Variants in RUNDC3B observed in about 807,000 individuals in gnomAD.
RUNDC3B encodes the protein RUN domain containing 3B, also known as RUN domain-containing protein 3B.
A neutral mutation model predicts 58.4 loss-of-function variants in RUNDC3B; 33 were observed. The observed-to-expected ratio is 0.56, with a 90% confidence interval of 0.43 to 0.75. The LOEUF is 0.75. Among genes scored for constraint, RUNDC3B ranks in the 30% least tolerant of loss-of-function variants. RUNDC3B has a pLI of 0.00. For synonymous variants in RUNDC3B, 193 were observed against 195.2 expected, an observed-to-expected ratio of 0.99 and a Z score of 0.10; for missense variants, 501 against 535.7, an observed-to-expected ratio of 0.94 and a Z score of 0.64.
chr7:87,716,082 TTAA>T (rs1209878432), intron 4 of RUNDC3B, among the ~76,000 whole-genome samples: 2 of 152,168 alleles, frequency 1.3e-5, no homozygotes, highest in Non-Finnish European at 2.9e-5. Context: ...GATTAATTAA[TTAA>T]TTTTTAAAAA....
At chr7:87,651,211 C>T (rs1236181869) in intron 2 of RUNDC3B, among the ~76,000 whole-genome samples, 4 of 151,994 alleles carry the variant, frequency 2.6e-5, no homozygotes, top group Non-Finnish European at 4.4e-5. Context: ...TGAAAGGAAG[C>T]GCATCCCAAA....
intron 8 of RUNDC3B, among the ~76,000 whole-genome samples, chr7:87,795,053 C>T (rs1287437985): frequency 1.3e-5 from 2 of 152,136 alleles, no homozygotes; most frequent in Admixed American, 6.6e-5. Context: ...CTTTCTAGGA[C>T]ATTGGTCTGG....
intron 2 of RUNDC3B, among the ~76,000 whole-genome samples, chr7:87,658,868 C>T (rs969437820): frequency 6.6e-6 from 1 of 152,166 alleles, no homozygotes. Context: ...AAAGAACATT[C>T]GTTAAGCAGA....
intron 2 of RUNDC3B, among the ~76,000 whole-genome samples, chr7:87,694,495 A>G (rs899719781): frequency 6.6e-6 from 1 of 152,188 alleles, no homozygotes; most frequent in Non-Finnish European, 1.5e-5. Context: ...CAATATAGTC[A>G]TTATTTTTAA....
chr7:87,671,333 C>T (rs930076099), intron 2 of RUNDC3B, among the ~76,000 whole-genome samples: 1 of 152,164 alleles, frequency 6.6e-6, no homozygotes, highest in Non-Finnish European at 1.5e-5. Context: ...CTTTTAGTTT[C>T]CCCTAGAGGC....
At chr7:87,748,515 C>T (rs1285273743) in intron 6 of RUNDC3B, among the ~76,000 whole-genome samples, 1 of 152,158 alleles carries the variant, frequency 6.6e-6, no homozygotes, top group East Asian at 1.9e-4. Context: ...TGATGATCTA[C>T]AATCTTTATA....
chr7:87,659,248 AT>A, intron 2 of RUNDC3B: 1 of 414,238 alleles, frequency 2.4e-6, no homozygotes, highest in Admixed American at 2.7e-5. Context: ...TAGGCTTTCC[AT>A]TTTACTTTTA....
chr7:87,695,416 G>A (rs551340212), intron 2 of RUNDC3B, among the ~76,000 whole-genome samples: 14 of 152,154 alleles, frequency 9.2e-5, no homozygotes, highest in African/African-American at 3.4e-4. Flanking sequence ...CTGCTACAAA[G>A]TTTAAAGTGA....
chr7:87,817,694 C>T (rs1837140887), intron 10 of RUNDC3B, among the ~76,000 whole-genome samples: 1 of 152,200 alleles, frequency 6.6e-6, no homozygotes, highest in South Asian at 2.1e-4. Context: ...CCCCCATCCC[C>T]ATCTCTGTTC....
chr7:87,650,801 A>G (rs774938016), intron 1 of RUNDC3B, 21 bp from the exon 2 acceptor site: 5 of 1,469,372 alleles, frequency 3.4e-6, no homozygotes, highest in South Asian at 1.1e-5. Flanking sequence ...CCTAAAAGCA[A>G]CAATAATCTT....
intron 7 of RUNDC3B, among the ~76,000 whole-genome samples, chr7:87,771,257 A>G (rs992213588): frequency 6.6e-6 from 1 of 151,876 alleles, no homozygotes; most frequent in Non-Finnish European, 1.5e-5. Context: ...ATCATTATTC[A>G]TAGATGATAT....
chr7:87,710,309 GT>G, intron 3 of RUNDC3B, among the ~76,000 whole-genome samples: 1 of 152,178 alleles, frequency 6.6e-6, no homozygotes, highest in Non-Finnish European at 1.5e-5. Flanking sequence ...TCTAACCCAA[GT>G]AACTCAGTAT....
In RUNDC3B at chr7:87,831,697, T is replaced by G. The variant is rs1017173332; in HGVS notation, c.*1667T>G. ...CATGGGGGATGGAAGGTAGGTATAA[T>G]ATGAGGACAATGGAAACTTTGGGAG... is the stretch of plus-strand genomic sequence containing the variant. On this transcript the variant is annotated 3_prime_UTR_variant, in exon 11 of 11. Coordinates refer to ENST00000394654, the MANE Select transcript of RUNDC3B (RefSeq NM_001134405.2). 6.6e-6 allele frequency: 1 copy of G among 151,816 alleles called. No homozygotes were observed. The highest frequency in any genetic ancestry group is 1.5e-5 in the Non-Finnish European group (1 of 67,826). The allele number at this position is 151,816 out of a possible 1,614,324, so 9.4% of individuals were successfully genotyped here. A position where few individuals can be genotyped will look rare whatever the true frequency, so the allele number is the denominator to read the frequency against.
chr7:87,753,074 T>G (rs1033900046), intron 6 of RUNDC3B, among the ~76,000 whole-genome samples: 2 of 152,240 alleles, frequency 1.3e-5, no homozygotes, highest in Non-Finnish European at 2.9e-5. Context: ...TGGTATGTTG[T>G]GTCTGTTCTC....
chr7:87,707,605 C>T (rs933948104), intron 3 of RUNDC3B, among the ~76,000 whole-genome samples: 2 of 151,988 alleles, frequency 1.3e-5, no homozygotes, highest in Non-Finnish European at 2.9e-5. Flanking sequence ...GCTTGTGAGG[C>T]AGAGGTTGCA....
At chr7:87,793,024 G>A (rs1215838028) in intron 8 of RUNDC3B, among the ~76,000 whole-genome samples, 1 of 151,978 alleles carries the variant, frequency 6.6e-6, no homozygotes, top group East Asian at 1.9e-4. Flanking sequence ...CATTACAACT[G>A]ATTCTGCAGA....
chr7:87,760,990 A>G (rs1025036397), intron 6 of RUNDC3B, among the ~76,000 whole-genome samples: 1 of 152,050 alleles, frequency 6.6e-6, no homozygotes, highest in African/African-American at 2.4e-5. Context: ...GACTTCATCA[A>G]AATTTAAAAC....
intron 1 of RUNDC3B, among the ~76,000 whole-genome samples, chr7:87,641,469 C>G (rs1386964608): frequency 1.3e-5 from 2 of 152,172 alleles, no homozygotes; most frequent in Non-Finnish European, 2.9e-5. Flanking sequence ...CCTGGCCTTT[C>G]AGGGTTTTCA....
chr7:87,766,347 C>T (rs549000071), intron 6 of RUNDC3B, among the ~76,000 whole-genome samples: 1 of 152,192 alleles, frequency 6.6e-6, no homozygotes, highest in African/African-American at 2.4e-5. Context: ...GCTGTCTGAG[C>T]TTTGGACGTA....
Sources: gnomAD v4.1 joint callset for allele counts (sites outside exome capture counted in the v4.1 genomes callset) on GRCh38, gnomAD v4.1.1 for gene constraint, MANE v1.5 for transcripts, NCBI Gene and HGNC (gene_info 2026-07-23, HGNC 2026-07-21) for gene names.